PHKB: variants seen among roughly 807,000 people sequenced by gnomAD.
PHKB encodes phosphorylase kinase regulatory subunit beta.
Under a neutral mutation model 152.1 loss-of-function variants are expected in PHKB, and 122 were observed. That is an observed-to-expected ratio of 0.80 (90% CI 0.69 to 0.93). The LOEUF is 0.93. Ranked by LOEUF, PHKB falls within the 40% of genes least tolerant of loss-of-function variation. The pLI is 0.00. For missense variants in PHKB, 1,304 were observed against 1,328.4 expected, an observed-to-expected ratio of 0.98 and a Z score of 0.29; for synonymous variants, 436 against 464.9, an observed-to-expected ratio of 0.94 and a Z score of 0.80.
chr16:47,486,911 T>G lies in PHKB; in HGVS notation c.77-10488T>G, dbSNP rs148060620. Among the ~76,000 whole-genome samples, 177 of 152,322 alleles carry G rather than the reference T, an allele frequency of 1.2e-3. 1 individual carries two copies. Among genetic ancestry groups the G allele is most frequent in the African/African-American group, 4.1e-3 (171 of 41,562 alleles). The stretch of plus-strand genomic sequence containing the variant: ...AGATTTATTCCTGATTCTGAAAAAT[T>G]ACTGTTCTTTACATGTCCCATAACT... On this transcript the variant is annotated intron_variant, in intron 1 of 30. Coordinates refer to ENST00000323584, the MANE Select transcript of PHKB (RefSeq NM_000293.3).
chr16:47,557,943 A>G (rs572815698), intron 7 of PHKB, among the ~76,000 whole-genome samples: 1 of 152,268 alleles, frequency 6.6e-6, no homozygotes, highest in East Asian at 1.9e-4. Flanking sequence ...ACATATGTTT[A>G]TTGCGGTACT....
chr16:47,584,200 C>G (rs1029305337), intron 8 of PHKB, among the ~76,000 whole-genome samples: 1 of 152,052 alleles, frequency 6.6e-6, no homozygotes, highest in African/African-American at 2.4e-5. Flanking sequence ...GGCAGAGCTA[C>G]ATTTAGAAAC....
intron 20 of PHKB, among the ~76,000 whole-genome samples, chr16:47,658,735 G>C (rs906850444): frequency 6.6e-6 from 1 of 151,968 alleles, no homozygotes; most frequent in African/African-American, 2.4e-5. Flanking sequence ...CACTCTATGG[G>C]TGTTCACACA....
In PHKB at chr16:47,511,668, C is replaced by T. The variant is rs1204419073; in HGVS notation, c.409C>T (p.Gln137Ter). 1.3e-6 allele frequency: 2 copies of T among 1,599,722 alleles called. No homozygotes were observed. Among genetic ancestry groups the T allele is most frequent in the Non-Finnish European group, 8.6e-7 (1 of 1,166,968 alleles). Residue 137 changes from glutamine to a stop codon, truncating the protein, a stop_gained, in exon 5 of 31, where the codon CAG (glutamine) becomes TAG (stop). Coordinates refer to ENST00000323584, the MANE Select transcript of PHKB (RefSeq NM_000293.3). LOFTEE classifies it high-confidence loss of function. ...YCYMRQADKV[Q>*]QFKQDPRPTT... ...TTAATTTTATATTTCATTCTAGGTC[C>T]AGCAGTTTAAGCAGGATCCACGCCC...
At chr16:47,666,722 C>A (rs532971320) in intron 25 of PHKB, among the ~76,000 whole-genome samples, 2 of 152,332 alleles carry the variant, frequency 1.3e-5, no homozygotes, top group South Asian at 4.1e-4. Context: ...CCCAATGTGC[C>A]CAGCATGGGG....
chr16:47,630,338 C>T (rs763348648), intron 14 of PHKB, among the ~76,000 whole-genome samples: 7 of 151,980 alleles, frequency 4.6e-5, no homozygotes, highest in South Asian at 2.1e-4. Context: ...AAAAATTAGC[C>T]GGGCATGGTG....
chr16:47,603,503 C>CT lies in PHKB; in HGVS notation c.1363+6989dup, dbSNP rs1200510899. The stretch of plus-strand genomic sequence containing the variant: ...GCTTTATGTATAAATAACTGACTTT[C>CT]TTTTTTTTTTTTTTTTTGGAGATGG... On this transcript the variant is annotated intron_variant, in intron 13 of 30. Coordinates refer to ENST00000323584, the MANE Select transcript of PHKB (RefSeq NM_000293.3). Among the ~76,000 whole-genome samples, 838 of 132,534 alleles carry CT rather than the reference C, an allele frequency of 6.3e-3. 2 individuals carry two copies. Among genetic ancestry groups the CT allele is most frequent in the East Asian group, 0.019 (88 of 4,674 alleles). The allele number at this position is 132,534 out of a possible 152,430, so 86.9% of individuals were successfully genotyped here. A position where few individuals can be genotyped will look rare whatever the true frequency, so the allele number is the denominator to read the frequency against.
chr16:47,690,442 A>C (rs1409757933), intron 27 of PHKB, among the ~76,000 whole-genome samples: 1 of 152,218 alleles, frequency 6.6e-6, no homozygotes, highest in Non-Finnish European at 1.5e-5. Context: ...TTGTATGGCA[A>C]AAAGTAGACA....
intron 13 of PHKB, among the ~76,000 whole-genome samples, chr16:47,597,191 C>T (rs1972135078): frequency 1.3e-5 from 2 of 152,080 alleles, no homozygotes. Context: ...AGTCAGAATT[C>T]CTTTATGGCA....
At chr16:47,507,336 G>A (rs1028017132) in intron 4 of PHKB, among the ~76,000 whole-genome samples, 1 of 151,240 alleles carries the variant, frequency 6.6e-6, no homozygotes, top group Non-Finnish European at 1.5e-5. Flanking sequence ...TTCCTATGTA[G>A]CTATGATGTA....
intron 7 of PHKB, among the ~76,000 whole-genome samples, chr16:47,571,562 C>T (rs376796070): frequency 2.6e-5 from 4 of 152,178 alleles, no homozygotes; most frequent in African/African-American, 7.2e-5. Flanking sequence ...TATCCAGAGA[C>T]AGTGGGACTC....
intron 13 of PHKB, among the ~76,000 whole-genome samples, chr16:47,608,606 G>A (rs765738039): frequency 3.9e-5 from 6 of 152,134 alleles, no homozygotes; most frequent in Non-Finnish European, 5.9e-5. Flanking sequence ...CAGCTACTCA[G>A]GAGACTGAGG....
chr16:47,464,537 TTG>T (rs1969634000), intron 1 of PHKB, among the ~76,000 whole-genome samples: 1 of 152,206 alleles, frequency 6.6e-6, no homozygotes, highest in Non-Finnish European at 1.5e-5. Context: ...TCTTAGACCG[TTG>T]TGTTGATGCA....
chr16:47,689,704 T>A (rs1974026715), intron 27 of PHKB, among the ~76,000 whole-genome samples: 1 of 152,248 alleles, frequency 6.6e-6, no homozygotes, highest in African/African-American at 2.4e-5. Flanking sequence ...AGCTTTAATG[T>A]AAGTATTTAG....
intron 7 of PHKB, among the ~76,000 whole-genome samples, chr16:47,550,549 CAG>C (rs1225285471): frequency 2.0e-5 from 3 of 152,206 alleles, no homozygotes; most frequent in African/African-American, 4.8e-5. Context: ...AGAGAGAAAA[CAG>C]AGCATAATCT....
chr16:47,650,501 T>C, intron 18 of PHKB, 43 bp from the exon 19 acceptor site: 1 of 1,121,908 alleles, frequency 8.9e-7, no homozygotes, highest in Non-Finnish European at 1.4e-6. Flanking sequence ...CCTGTTCATC[T>C]TAGATACTGT....
At chr16:47,509,193 A>G (rs1970468632) in intron 4 of PHKB, among the ~76,000 whole-genome samples, 1 of 152,208 alleles carries the variant, frequency 6.6e-6, no homozygotes, top group Admixed American at 6.5e-5. Flanking sequence ...CTTCAAGATA[A>G]TAGTGCAAAA....
intron 13 of PHKB, among the ~76,000 whole-genome samples, chr16:47,604,639 T>C (rs1307634008): frequency 6.6e-6 from 1 of 152,206 alleles, no homozygotes; most frequent in Non-Finnish European, 1.5e-5. Context: ...TTTTGTGTTA[T>C]GACAAAAAAT....
At chr16:47,634,711 A>T (rs779281242) in intron 14 of PHKB, among the ~76,000 whole-genome samples, 3 of 152,158 alleles carry the variant, frequency 2.0e-5, no homozygotes, top group African/African-American at 4.8e-5. Flanking sequence ...AGTGCACTTG[A>T]TGGGAATATA....
Sources: gnomAD v4.1 joint callset for allele counts (sites outside exome capture counted in the v4.1 genomes callset) on GRCh38, gnomAD v4.1.1 for gene constraint, MANE v1.5 for transcripts, NCBI Gene and HGNC (gene_info 2026-07-23, HGNC 2026-07-21) for gene names.